ADPRHL1: variants seen among roughly 807,000 people sequenced by gnomAD.
The protein encoded by ADPRHL1 is ADP-ribosylhydrolase like 1.
In ADPRHL1, 43 loss-of-function variants were observed where a neutral mutation model predicts 44.1. That is an observed-to-expected ratio of 0.98 (90% CI 0.76 to 1.26). ADPRHL1 has a LOEUF of 1.26. Among genes scored for constraint, ADPRHL1 ranks in the 50% most tolerant of loss-of-function variants. The pLI is 0.00. For synonymous variants in ADPRHL1, 878 were observed against 1,017.4 expected, an observed-to-expected ratio of 0.86 and a Z score of 2.61; for missense variants, 2,022 against 2,496.9, an observed-to-expected ratio of 0.81 and a Z score of 4.05.
In ADPRHL1 at chr13:113,407,857, C is replaced by T; in HGVS notation, c.1425G>A (p.Leu475=). The T allele has an allele frequency of 8.1e-7, 1 of 1,231,990 alleles. No individual in the cohort carries two copies. Among genetic ancestry groups the T allele is most frequent in the East Asian group, 3.2e-5 (1 of 31,696 alleles). The allele number at this position is 1,231,990 out of a possible 1,614,324, so 76.3% of individuals were successfully genotyped here. ...TTGGGGCCGGCTCCTTGGTCTTCTCCAGGAGCTTGTTGATGGTGGCACCCA... is the reference window on the plus strand; with the variant it reads ...TTGGGGCCGGCTCCTTGGTCTTCTCTAGGAGCTTGTTGATGGTGGCACCCA... ...GLVGATINKL[L]EKTKEPAPKP... is the part of the protein sequence containing the mutation. Residue 475 remains leucine (L), a synonymous_variant, in exon 8 of 8, where the codon CTG becomes CTA. Transcript: ENST00000612156.
At chr13:113,435,450 A>G (rs369407283) in intron 2 of ADPRHL1, among the ~76,000 whole-genome samples, 21 of 115,242 alleles carry the variant, frequency 1.8e-4, no homozygotes, top group South Asian at 3.2e-4. Context: ...CCAGGTGTAG[A>G]GTGAACATAG....
rs550151437 is a variant in ADPRHL1, at chr13:113,437,852, G to A, written c.380-3985C>T. ...ATGTTTAACTTTTTTGTTTGTTTGA[G>A]ATGGAGTCTTGCTCTGTGGCCCAGG... On this transcript the variant is annotated intron_variant, in intron 2 of 7. Transcript: ENST00000612156. Among the ~76,000 whole-genome samples, 11 of 152,322 alleles carry A rather than the reference G, an allele frequency of 7.2e-5. No individual in the cohort carries two copies. In the South Asian group the frequency reaches 2.3e-3, roughly 32 times the overall value.
chr13:113,450,960 C>CG lies in ADPRHL1; in HGVS notation c.214+2263_214+2264insC, dbSNP rs979504948. Among the ~76,000 whole-genome samples, 371 of 151,658 alleles carry CG rather than the reference C, an allele frequency of 2.4e-3. 1 individual carries two copies. Among genetic ancestry groups the CG allele is most frequent in the Middle Eastern group, 0.017 (5 of 294 alleles). ...CCCCTGGGGAAAGGGAGACCCCCCC[C>CG]CCCTTCCTGGTCTGCTAAGTAGCAG... On this transcript the variant is annotated intron_variant, in intron 1 of 7. Coordinates refer to ENST00000612156, the MANE Select transcript of ADPRHL1 (RefSeq NM_001394807.1).
intron 7 of ADPRHL1, among the ~76,000 whole-genome samples, chr13:113,412,216 C>T (rs531958169): frequency 2.0e-5 from 3 of 152,276 alleles, no homozygotes; most frequent in Non-Finnish European, 2.9e-5. Flanking sequence ...CTTGCTCTGT[C>T]GCCCAGGCTG....
intron 3 of ADPRHL1, among the ~76,000 whole-genome samples, chr13:113,432,808 C>T (rs908121150): frequency 6.6e-6 from 1 of 152,208 alleles, no homozygotes; most frequent in Non-Finnish European, 1.5e-5. Flanking sequence ...ACGAGGCTAG[C>T]GTGGCTGTTG....
At chr13:113,416,003 C>T (rs903366686) in intron 7 of ADPRHL1, among the ~76,000 whole-genome samples, 3 of 152,010 alleles carry the variant, frequency 2.0e-5, no homozygotes, top group South Asian at 2.1e-4. Context: ...GCCAGGGGCC[C>T]GGCTGGGATC....
chr13:113,425,483 A>G (rs943669364), intron 4 of ADPRHL1, among the ~76,000 whole-genome samples: 4 of 152,046 alleles, frequency 2.6e-5, no homozygotes, highest in African/African-American at 4.8e-5. Flanking sequence ...GGCTCACTGC[A>G]ACCTCTGCCT....
chr13:113,418,979 C>T, intron 7 of ADPRHL1, among the ~76,000 whole-genome samples: 1 of 137,022 alleles, frequency 7.3e-6, no homozygotes, highest in East Asian at 2.0e-4. Context: ...CCCTCTTTTC[C>T]TTCCCTCCCT....
intron 3 of ADPRHL1, among the ~76,000 whole-genome samples, chr13:113,432,422 A>T (rs956583682): frequency 6.6e-6 from 1 of 152,222 alleles, no homozygotes; most frequent in African/African-American, 2.4e-5. Flanking sequence ...CACCTGGCAA[A>T]TGCCCAACAT....
chr13:113,412,203 A>G (rs889612672), intron 7 of ADPRHL1, among the ~76,000 whole-genome samples: 1 of 151,838 alleles, frequency 6.6e-6, no homozygotes, highest in African/African-American at 2.4e-5. Flanking sequence ...TTTGGGACGG[A>G]GTCTTGCTCT....
intron 7 of ADPRHL1, among the ~76,000 whole-genome samples, chr13:113,410,717 G>A (rs2043846349): frequency 6.6e-6 from 1 of 151,426 alleles, no homozygotes; most frequent in Admixed American, 6.6e-5. Flanking sequence ...TGAACCCAGA[G>A]TCGACAGGCG....
chr13:113,443,815 C>T (rs1198808606), intron 2 of ADPRHL1, among the ~76,000 whole-genome samples: 1 of 151,578 alleles, frequency 6.6e-6, no homozygotes, highest in Non-Finnish European at 1.5e-5. Context: ...TGGTGGTGGG[C>T]ATCTGTAGTC....
At chr13:113,412,372 G>T (rs2043858395) in intron 7 of ADPRHL1, among the ~76,000 whole-genome samples, 2 of 152,158 alleles carry the variant, frequency 1.3e-5, no homozygotes, top group Non-Finnish European at 2.9e-5. Context: ...TAGAGACGGG[G>T]TTTCACCATG....
chr13:113,444,927 C>T (rs867579320), intron 1 of ADPRHL1, among the ~76,000 whole-genome samples: 3 of 152,148 alleles, frequency 2.0e-5, no homozygotes, highest in Non-Finnish European at 4.4e-5. Flanking sequence ...CCAGCCCCAC[C>T]GTGCCCCTTT....
Position 113,429,091 on chromosome 13 carries a change from G to T in ADPRHL1, c.507C>A (p.Gly169=). 6.2e-7 allele frequency: 1 copy of T among 1,600,530 alleles called. No individual in the cohort carries two copies. The highest frequency in any genetic ancestry group is 8.5e-7 in the Non-Finnish European group (1 of 1,174,234). Residue 169 remains glycine, a splice_region_variant and synonymous_variant, in exon 4 of 8, where the codon GGC becomes GGA. Coordinates refer to ENST00000612156, the MANE Select transcript of ADPRHL1 (RefSeq NM_001394807.1). ...CGRMTHNHPT[G]FLGSLCTALF... ...GGGCCGTGCACAGGGAGCCCAGGAA[G>T]CCTGGAGGGCAGGGAAGAGAGAGGG...
chr13:113,433,289 T>C (rs1192526285), intron 3 of ADPRHL1, among the ~76,000 whole-genome samples: 3 of 152,102 alleles, frequency 2.0e-5, no homozygotes, highest in Non-Finnish European at 2.9e-5. Flanking sequence ...GCAGGAAGTA[T>C]TGTACAAACC....
At chr13:113,444,290 G>T in intron 2 of ADPRHL1, 135 bp downstream of exon 2, 1 of 1,275,006 alleles carries the variant, frequency 7.8e-7, no homozygotes, top group Non-Finnish European at 1.1e-6. Context: ...GCCCCCACCC[G>T]ACAAAGGGAC....
Position 113,403,438 on chromosome 13 carries a change from G to A in ADPRHL1, c.5844C>T (p.Phe1948=), listed in dbSNP as rs888103875. 24 of 1,231,974 alleles carry A rather than the reference G, an allele frequency of 1.9e-5. No homozygotes were observed. Among genetic ancestry groups the A allele is most frequent in the African/African-American group, 4.7e-5 (3 of 64,372 alleles). The allele number at this position is 1,231,974 out of a possible 1,614,324, so 76.3% of individuals were successfully genotyped here. The change falls in exon 8 of 8, where the codon TTC becomes TTT. Residue 1948 remains phenylalanine (F), a synonymous_variant. Transcript: ENST00000612156. ...CGCTCATTGGTCTGAAGGACAAATC[G>A]AAGGCCCTCTGGTCACGGAAGCTCT... ...KAQSFRDQRA[F]DLSFRPMSVR... is the part of the protein sequence containing the mutation.
In ADPRHL1 at chr13:113,403,494, T is replaced by A. The variant is rs981937988; in HGVS notation, c.5788A>T (p.Arg1930Trp). 1 of 1,231,930 alleles carries A rather than the reference T, an allele frequency of 8.1e-7. No homozygotes were observed. Among genetic ancestry groups the A allele is most frequent in the African/African-American group, 1.6e-5 (1 of 64,432 alleles). 76.3% of individuals were successfully genotyped at this position (1,231,930 alleles called of 1,614,324 possible). A position where few individuals can be genotyped will look rare whatever the true frequency, so the allele number is the denominator to read the frequency against. Residue 1930 changes from arginine (R) to tryptophan (W), a missense_variant, in exon 8 of 8, where the codon AGG becomes TGG. Coordinates refer to ENST00000612156, the MANE Select transcript of ADPRHL1 (RefSeq NM_001394807.1). ...TTGTACTTGGCCAGGTGCCTGGACC[T>A]CCCGCGACGCTCGGGCTCCGATGCC... is the stretch of plus-strand genomic sequence containing the variant. ...MEASEPERRG[R>W]SRHLAKYKAQ... is the part of the protein sequence containing the mutation.
Sources: gnomAD v4.1 joint callset for allele counts (sites outside exome capture counted in the v4.1 genomes callset) on GRCh38, gnomAD v4.1.1 for gene constraint, MANE v1.5 for transcripts, NCBI Gene and HGNC (gene_info 2026-07-23, HGNC 2026-07-21) for gene names.